Variants in ASIC2 observed in about 807,000 individuals in gnomAD.
ASIC2 encodes the protein acid-sensing ion channel 2.
A neutral mutation model predicts 57.3 loss-of-function variants in ASIC2; 25 were observed. The ratio of observed to expected loss-of-function variants is 0.44; its 90% CI spans 0.32 to 0.61. The LOEUF is 0.61. Ranked by LOEUF, ASIC2 falls within the 20% of genes least tolerant of loss-of-function variation. The pLI is 0.06. For missense variants in ASIC2, 641 were observed against 738.1 expected (o/e 0.87, Z 1.52); for synonymous variants, 319 against 307.5 (o/e 1.04, Z -0.39).
At chr17:33,501,244 G>A (rs979220790) in intron 1 of ASIC2, among the ~76,000 whole-genome samples, 48 of 152,338 alleles carry the variant, frequency 3.2e-4, no homozygotes, top group African/African-American at 1.1e-3. Context: ...TATCTCAGCC[G>A]CTCACAAAGT....
At chr17:33,649,014 T>C (rs970497567) in intron 1 of ASIC2, among the ~76,000 whole-genome samples, 10 of 152,256 alleles carry the variant, frequency 6.6e-5, no homozygotes, top group African/African-American at 2.4e-4. Context: ...AGTAAAGATA[T>C]CCACTCTCAC....
chr17:33,370,994 C>CGTTAT, intron 1 of ASIC2, among the ~76,000 whole-genome samples: 1 of 152,050 alleles, frequency 6.6e-6, no homozygotes, highest in African/African-American at 2.4e-5. Flanking sequence ...GGAACACGCC[C>CGTTAT]ACTCTAGGTA....
chr17:33,444,639 AG>A (rs754734419), intron 1 of ASIC2, among the ~76,000 whole-genome samples: 1 of 117,226 alleles, frequency 8.5e-6, no homozygotes, highest in Non-Finnish European at 1.9e-5. Flanking sequence ...GTGTAGGGAT[AG>A]GACAGGTTAG....
chr17:33,379,632 A>G (rs1206689774), intron 1 of ASIC2, among the ~76,000 whole-genome samples: 1 of 152,168 alleles, frequency 6.6e-6, no homozygotes, highest in Admixed American at 6.5e-5. Context: ...GATGCAGGCA[A>G]TAGACCAGCT....
At chr17:33,579,395 A>T (rs987103215) in intron 1 of ASIC2, among the ~76,000 whole-genome samples, 2 of 151,834 alleles carry the variant, frequency 1.3e-5, no homozygotes, top group Admixed American at 6.6e-5. Context: ...CCGCCTCATT[A>T]TTCTGGAGGG....
intron 1 of ASIC2, among the ~76,000 whole-genome samples, chr17:33,214,976 C>T (rs1907422170): frequency 6.6e-6 from 1 of 152,226 alleles, no homozygotes; most frequent in Non-Finnish European, 1.5e-5. Flanking sequence ...GGGTTGAATT[C>T]TTGCATCTGG....
At chr17:33,045,927 T>C (rs1468197) in intron 3 of ASIC2, among the ~76,000 whole-genome samples, 33,818 of 152,152 alleles carry the variant, frequency 0.22, 3,951 homozygotes, top group East Asian at 0.36. Flanking sequence ...TGAATTGGAC[T>C]ATCTCAGAGC....
intron 1 of ASIC2, among the ~76,000 whole-genome samples, chr17:33,831,455 C>T (rs766648034): frequency 5.9e-5 from 9 of 152,052 alleles, no homozygotes; most frequent in Admixed American, 2.6e-4. Context: ...TGGGCTACCC[C>T]GAAGACCAAG....
At chr17:33,720,666 T>C (rs1000113766) in intron 1 of ASIC2, among the ~76,000 whole-genome samples, 1 of 152,228 alleles carries the variant, frequency 6.6e-6, no homozygotes, top group Non-Finnish European at 1.5e-5. Flanking sequence ...ATTGTTGAGG[T>C]AACTAGACTG....
In ASIC2 at chr17:33,291,992, T is replaced by C; in HGVS notation, c.124A>G (p.Arg42Gly). ...CCCTGCAGCGCCCGCTCGCCGCCTC[T>C]GCCGCCCCCGGGCTGCCCGGCAGCC... is the stretch of plus-strand genomic sequence containing the variant. Reference protein sequence around the residue: ...LAAAGQPGGGRGGERALQGPG... With the variant: ...LAAAGQPGGGGGGERALQGPG... Residue 42 changes from arginine (R) to glycine (G), a missense_variant, in exon 1 of 10, where the codon AGA becomes GGA. By Grantham distance (125) the Arg-to-Gly change is moderately radical. Coordinates refer to ENST00000225823, the MANE Select transcript of ASIC2 (RefSeq NM_183377.2). 1 of 1,276,968 alleles carries C rather than the reference T, an allele frequency of 7.8e-7. No homozygotes were observed. Among genetic ancestry groups the C allele is most frequent in the Non-Finnish European group, 9.8e-7 (1 of 1,021,312 alleles). The allele number at this position is 1,276,968 out of a possible 1,614,324, so 79.1% of individuals were successfully genotyped here.
intron 1 of ASIC2, among the ~76,000 whole-genome samples, chr17:33,498,470 GA>G (rs1914006181): frequency 6.6e-6 from 1 of 152,228 alleles, no homozygotes; most frequent in South Asian, 2.1e-4. Context: ...GACTATTCAG[GA>G]GGCGTTGAAG....
At chr17:33,017,577 T>C in intron 8 of ASIC2, 28 bp downstream of exon 8, 4 of 1,594,728 alleles carry the variant, frequency 2.5e-6, no homozygotes, top group Non-Finnish European at 3.4e-6. Flanking sequence ...CATGCGGTCA[T>C]TTCCCTGTGG....
At chr17:34,149,996 T>C (rs776896100) in intron 1 of ASIC2, among the ~76,000 whole-genome samples, 12 of 152,192 alleles carry the variant, frequency 7.9e-5, no homozygotes, top group Admixed American at 2.0e-4. Flanking sequence ...CTAGTGTCCA[T>C]TGATAGGTGA....
rs141522290 is a variant in ASIC2 at position 33,179,768 on chromosome 17, C to T, written c.709-67701G>A. 1.9e-3 allele frequency among the ~76,000 whole-genome samples: 288 copies of T among 152,330 alleles called. 2 individuals carry two copies. The highest frequency in any genetic ancestry group is 6.6e-3 in the African/African-American group (275 of 41,572). The stretch of plus-strand genomic sequence containing the variant: ...GGCCAGAAGTTGAATGGAGCTCTTA[C>T]AAATGGCTGCAGAGTTAGCTCCTCT... On this transcript the variant is annotated intron_variant, in intron 1 of 9. Coordinates refer to ENST00000225823, the MANE Select transcript of ASIC2 (RefSeq NM_183377.2).
At chr17:33,308,931 A>G (rs532021536) in intron 1 of ASIC2, among the ~76,000 whole-genome samples, 2 of 152,304 alleles carry the variant, frequency 1.3e-5, no homozygotes, top group South Asian at 4.1e-4. Context: ...TGGCTACCAT[A>G]TGGGGGTTTG....
In ASIC2 at chr17:33,647,417, A is replaced by G. The variant is rs79945046; in HGVS notation, c.555+508561T>C. On this transcript the variant is annotated intron_variant, in intron 1 of 9. Coordinates refer to the ASIC2 transcript ENST00000359872. ...GATCCTGGAGCCCCTCTTGGATACA[A>G]TAGAATGCCTCCATTGCACCACACC... Among the ~76,000 whole-genome samples the G allele has an allele frequency of 1.5e-3, 227 of 152,282 alleles. 4 individuals carry two copies. The East Asian group carries it at 0.041, about 28-fold the overall frequency.
intron 1 of ASIC2, among the ~76,000 whole-genome samples, chr17:33,755,951 G>T (rs927216717): frequency 3.3e-5 from 5 of 152,206 alleles, no homozygotes; most frequent in African/African-American, 7.2e-5. Flanking sequence ...TGATAAGCAG[G>T]GTGGGGAAGG....
At chr17:33,626,164 T>C (rs1335729479) in intron 1 of ASIC2, among the ~76,000 whole-genome samples, 2 of 152,210 alleles carry the variant, frequency 1.3e-5, no homozygotes, top group Non-Finnish European at 2.9e-5. Context: ...TTAAGTTCTT[T>C]GTTAACTTAA....
At chr17:33,963,464 T>C (rs1343627148) in intron 1 of ASIC2, among the ~76,000 whole-genome samples, 1 of 152,212 alleles carries the variant, frequency 6.6e-6, no homozygotes, top group African/African-American at 2.4e-5. Context: ...AAGCATCTGT[T>C]CTTGAGCTTT....
Sources: allele counts gnomAD v4.1 joint callset (sites outside exome capture counted in the v4.1 genomes callset), GRCh38; gene constraint gnomAD v4.1.1; transcripts MANE v1.5; gene names NCBI Gene and HGNC (gene_info 2026-07-23, HGNC 2026-07-21).